Variants in TTC17 observed in about 807,000 individuals in gnomAD.
The protein encoded by TTC17 is tetratricopeptide repeat domain 17.
Under a neutral mutation model 143.8 loss-of-function variants are expected in TTC17, and 58 were observed. That is an observed-to-expected ratio of 0.40 (90% confidence interval 0.33 to 0.50). The LOEUF (loss-of-function observed/expected upper bound fraction) is 0.50. Ranked by LOEUF, TTC17 falls within the 20% of genes least tolerant of loss-of-function variation. The pLI is 0.49. For missense variants in TTC17, 1,273 were observed against 1,392.5 expected (o/e 0.91, Z 1.37); for synonymous variants, 501 against 497.8 (o/e 1.01, Z -0.09).
chr11:43,426,197 A>G (rs1013958100), intron 16 of TTC17, among the ~76,000 whole-genome samples: 1 of 152,222 alleles, frequency 6.6e-6, no homozygotes, highest in Non-Finnish European at 1.5e-5. Flanking sequence ...CAAATTAATA[A>G]TCAATTCACC....
chr11:43,362,147 ATTTG>A (rs1301560125), intron 1 of TTC17, among the ~76,000 whole-genome samples: 10 of 106,580 alleles, frequency 9.4e-5, no homozygotes, highest in South Asian at 7.7e-4. Flanking sequence ...CACCCGGCTA[ATTTG>A]TGTGTGTGTG....
intron 16 of TTC17, among the ~76,000 whole-genome samples, chr11:43,424,087 CTT>C (rs778471979): frequency 4.3e-5 from 6 of 140,662 alleles, no homozygotes; most frequent in Non-Finnish European, 4.7e-5. Flanking sequence ...ATTCTTTTTC[CTT>C]TTTTTTTTTT....
At chr11:43,465,728 T>C (rs1168967880) in intron 21 of TTC17, among the ~76,000 whole-genome samples, 1 of 152,226 alleles carries the variant, frequency 6.6e-6, no homozygotes, top group East Asian at 1.9e-4. Flanking sequence ...GGAAACTGTA[T>C]ATTCATATGC....
intron 16 of TTC17, among the ~76,000 whole-genome samples, chr11:43,437,648 G>C (rs756389965): frequency 2.0e-5 from 3 of 152,008 alleles, no homozygotes; most frequent in African/African-American, 7.2e-5. Flanking sequence ...AAATAACTTT[G>C]GGAAGCATTT....
At position 43,447,039 on chromosome 11, in the gene TTC17, G is replaced by A. The variant is rs1336518251; in HGVS notation, c.2666-963G>A. On this transcript the variant is annotated intron_variant, in intron 18 of 23. Transcript: ENST00000039989. Reference sequence around the variant, plus strand: ...AAATGAGGGTTAAAACCTACTTCAGGCCAGATGCAGTGGCTCACATCTGTA... The same window carrying A: ...AAATGAGGGTTAAAACCTACTTCAGACCAGATGCAGTGGCTCACATCTGTA... Among the ~76,000 whole-genome samples the A allele has an allele frequency of 2.0e-5, 3 of 152,174 alleles. No individual in the cohort carries two copies. In the East Asian group the frequency reaches 5.8e-4, roughly 29 times the overall value.
At chr11:43,370,455 G>A (rs1160924653) in intron 1 of TTC17, 1 of 154,864 alleles carries the variant, frequency 6.5e-6, no homozygotes, top group Non-Finnish European at 1.4e-5. Context: ...ATCTGTGAGA[G>A]GAATTTTTTT....
At chr11:43,462,816 TATA>T (rs1298346873) in intron 21 of TTC17, among the ~76,000 whole-genome samples, 1 of 152,140 alleles carries the variant, frequency 6.6e-6, no homozygotes, top group Non-Finnish European at 1.5e-5. Context: ...TGAATAAAAT[TATA>T]ATAACTGATA....
At chr11:43,395,588 G>A (rs1857555951) in intron 5 of TTC17, 1 of 152,178 alleles carries the variant, frequency 6.6e-6, no homozygotes, top group Non-Finnish European at 1.5e-5. Context: ...CCAGCTTCAA[G>A]TAGAAGTTCA....
intron 18 of TTC17, among the ~76,000 whole-genome samples, chr11:43,444,720 C>CTT (rs1350249082): frequency 8.5e-6 from 1 of 117,450 alleles, no homozygotes; most frequent in African/African-American, 3.4e-5. Context: ...TCACCAAATA[C>CTT]ATACACACAC....
rs143717939 is a variant in TTC17 at position 43,427,508 on chromosome 11, C to T, written c.2251+12732C>T. ...AGTTAATTTTCTTGACTACATACAT[C>T]CTGCTTTGCTAGTTTGATGAGTTAG... On this transcript the variant is annotated intron_variant, in intron 16 of 23. Coordinates refer to ENST00000039989, the MANE Select transcript of TTC17 (RefSeq NM_018259.6). 3.8e-3 allele frequency among the ~76,000 whole-genome samples: 577 copies of T among 152,276 alleles called. 6 individuals are homozygous for T. The highest frequency in any genetic ancestry group is 0.013 in the African/African-American group (554 of 41,572).
At chr11:43,365,814 A>G (rs1856314162) in intron 1 of TTC17, among the ~76,000 whole-genome samples, 1 of 152,190 alleles carries the variant, frequency 6.6e-6, no homozygotes, top group Non-Finnish European at 1.5e-5. Flanking sequence ...ATGCAGGTAG[A>G]CCACACATAG....
In TTC17 at chr11:43,396,712, A is replaced by G. The variant is rs747258477; in HGVS notation, c.667A>G (p.Thr223Ala). The G allele has an allele frequency of 6.4e-7, 1 of 1,558,356 alleles. No individual in the cohort carries two copies. The highest frequency in any genetic ancestry group is 8.8e-7 in the Non-Finnish European group (1 of 1,142,648). ...HLIHEGLQKN[T>A]SSWVLYNMAS... The stretch of plus-strand genomic sequence containing the variant: ...ATTTTACTTTTTTAATCTCTAGAAC[A>G]CTTCCTCGTGGGTACTGTATAACAT... Residue 223 changes from threonine to alanine, a missense_variant, in exon 6 of 24, where the codon ACT (threonine) becomes GCT (alanine). Thr to Ala is a moderately conservative substitution (Grantham distance 58, BLOSUM62 0). Coordinates refer to ENST00000039989, the MANE Select transcript of TTC17 (RefSeq NM_018259.6).
At chr11:43,359,260 A>T in intron 1 of TTC17, 147 bp downstream of exon 1, 1 of 1,023,212 alleles carries the variant, frequency 9.8e-7, no homozygotes, top group South Asian at 2.0e-5. Flanking sequence ...GACTCCCTGC[A>T]TTCGGACCAG....
rs570408359 is a variant in TTC17 at position 43,446,848 on chromosome 11, G to A, written c.2666-1154G>A. On this transcript the variant is annotated intron_variant, in intron 18 of 23. Coordinates refer to ENST00000039989, the MANE Select transcript of TTC17 (RefSeq NM_018259.6). ...CCCACACCCAAAAGGTGGTACTTAC[G>A]AAGGATATTAATAAACAGAGCTTTA... The A allele has an allele frequency of 1.7e-4, 33 of 199,512 alleles. No homozygotes were observed. The South Asian group carries it at 5.1e-3, about 31-fold the overall frequency. 12.4% of individuals were successfully genotyped at this position (199,512 alleles called of 1,614,324 possible). A position where few individuals can be genotyped will look rare whatever the true frequency, so the allele number is the denominator to read the frequency against.
intron 21 of TTC17, among the ~76,000 whole-genome samples, chr11:43,484,039 G>A (rs1446596376): frequency 6.6e-6 from 1 of 152,160 alleles, no homozygotes; most frequent in African/African-American, 2.4e-5. Context: ...CTATTCAGGA[G>A]GCTGAGGCAG....
intron 2 of TTC17, 23 bp downstream of exon 2, chr11:43,379,345 A>T: frequency 6.3e-7 from 1 of 1,579,398 alleles, no homozygotes. Context: ...GGCATGTGAG[A>T]TGCAGCTGAT....
chr11:43,374,420 A>G (rs1168951271), intron 1 of TTC17, among the ~76,000 whole-genome samples: 3 of 152,170 alleles, frequency 2.0e-5, no homozygotes, highest in East Asian at 1.9e-4. Flanking sequence ...GAAATGGACA[A>G]GTGGGACCTA....
At chr11:43,478,372 A>ATTTT (rs1236722522) in intron 21 of TTC17, among the ~76,000 whole-genome samples, 1 of 152,212 alleles carries the variant, frequency 6.6e-6, no homozygotes, top group African/African-American at 2.4e-5. Flanking sequence ...ACTTGATGAT[A>ATTTT]TTAAAGAATC....
intron 1 of TTC17, among the ~76,000 whole-genome samples, chr11:43,375,520 A>G (rs999766929): frequency 6.6e-6 from 1 of 152,164 alleles, no homozygotes; most frequent in African/African-American, 2.4e-5. Flanking sequence ...CCTAGTTTCT[A>G]ACTTAAGGGG....
Sources: allele counts gnomAD v4.1 joint callset (sites outside exome capture counted in the v4.1 genomes callset), GRCh38; gene constraint gnomAD v4.1.1; transcripts MANE v1.5; gene names NCBI Gene and HGNC (gene_info 2026-07-23, HGNC 2026-07-21).